Variants in LDB2 observed in about 807,000 individuals in gnomAD.
The protein encoded by LDB2 is LIM domain binding 2, also known as LIM domain-binding protein 2.
Under a neutral mutation model 44.3 loss-of-function variants are expected in LDB2, and 12 were observed. That is an observed-to-expected ratio of 0.27 (90% CI 0.17 to 0.44). LDB2 has a LOEUF of 0.44. LDB2 is among the 20% of genes least tolerant of loss of function. The pLI is 1.00. For missense variants in LDB2, 344 were observed against 473.5 expected, an observed-to-expected ratio of 0.73 and a Z score of 2.54; for synonymous variants, 164 against 174.8, an observed-to-expected ratio of 0.94 and a Z score of 0.49.
chr4:16,796,176 T>A (rs781513306), intron 1 of LDB2, among the ~76,000 whole-genome samples: 1 of 151,896 alleles, frequency 6.6e-6, no homozygotes, highest in Non-Finnish European at 1.5e-5. Flanking sequence ...TCCTAGCTAC[T>A]GGGGAGGTTA....
chr4:16,834,610 C>T (rs548252806), intron 1 of LDB2, among the ~76,000 whole-genome samples: 72 of 152,206 alleles, frequency 4.7e-4, no homozygotes, highest in South Asian at 1.0e-3. Context: ...GGGCGGATCA[C>T]GAGTTCAGGA....
intron 1 of LDB2, among the ~76,000 whole-genome samples, chr4:16,833,864 C>T (rs1784459063): frequency 6.6e-6 from 1 of 152,112 alleles, no homozygotes; most frequent in Non-Finnish European, 1.5e-5. Context: ...ATTACTCAGT[C>T]TATTCCAGCT....
intron 2 of LDB2, among the ~76,000 whole-genome samples, chr4:16,633,813 T>C (rs1732735613): frequency 1.3e-5 from 2 of 152,198 alleles, no homozygotes; most frequent in African/African-American, 4.8e-5. Flanking sequence ...AAGACAATCC[T>C]GGTCAAGAAG....
At chr4:16,632,978 C>A (rs953004884) in intron 2 of LDB2, among the ~76,000 whole-genome samples, 1 of 152,058 alleles carries the variant, frequency 6.6e-6, no homozygotes, top group Admixed American at 6.6e-5. Context: ...CTATAAAGGC[C>A]CATGCACATG....
At chr4:16,884,947 T>C (rs189658406) in intron 1 of LDB2, among the ~76,000 whole-genome samples, 1 of 152,180 alleles carries the variant, frequency 6.6e-6, no homozygotes, top group East Asian at 1.9e-4. Context: ...AAAATTTGCA[T>C]GACTCCAGAA....
intron 2 of LDB2, chr4:16,674,076 G>A (rs542578504): frequency 9.6e-5 from 39 of 406,620 alleles, no homozygotes; most frequent in African/African-American, 4.0e-4. Context: ...TCTCTTATAC[G>A]TTAACGCAAC....
intron 1 of LDB2, among the ~76,000 whole-genome samples, chr4:16,821,221 GAAGC>G (rs1364557011): frequency 6.6e-6 from 1 of 152,146 alleles, no homozygotes; most frequent in Admixed American, 6.5e-5. Context: ...GGAAGGTTTG[GAAGC>G]AATTAACATA....
rs367900203 is a variant in LDB2 at position 16,774,136 on chromosome 4, A to G, written c.133-14876T>C. Among the ~76,000 whole-genome samples the G allele has an allele frequency of 1.1e-4, 15 of 140,926 alleles. 2 individuals carry two copies. In the East Asian group the frequency reaches 1.5e-3, roughly 14 times the overall value. 92.5% of individuals were successfully genotyped at this position (140,926 alleles called of 152,430 possible). On this transcript the variant is annotated intron_variant, in intron 1 of 7. Transcript: ENST00000304523. Reference sequence around the variant, plus strand: ...CGCCATTGCACTCCAGCCTGGCAACAGAGTGAGACTCCGTCTCAAAAAAAA... The same window carrying G: ...CGCCATTGCACTCCAGCCTGGCAACGGAGTGAGACTCCGTCTCAAAAAAAA...
intron 2 of LDB2, among the ~76,000 whole-genome samples, chr4:16,672,249 T>C (rs1183612030): frequency 6.6e-6 from 1 of 152,196 alleles, no homozygotes; most frequent in Non-Finnish European, 1.5e-5. Flanking sequence ...GGCAGAAATC[T>C]ATTAGAAGCC....
chr4:16,554,968 G>A (rs1348268130), intron 5 of LDB2, among the ~76,000 whole-genome samples: 1 of 152,212 alleles, frequency 6.6e-6, no homozygotes, highest in African/African-American at 2.4e-5. Flanking sequence ...TGACAAATGT[G>A]CCACATTGGT....
At chr4:16,749,263 T>C (rs887474420) in intron 2 of LDB2, among the ~76,000 whole-genome samples, 11 of 152,054 alleles carry the variant, frequency 7.2e-5, no homozygotes, top group African/African-American at 2.7e-4. Context: ...GTAGGCATAA[T>C]TTTAGTTTGA....
intron 2 of LDB2, among the ~76,000 whole-genome samples, chr4:16,694,283 C>T (rs1022292251): frequency 4.6e-5 from 7 of 152,172 alleles, no homozygotes; most frequent in East Asian, 1.9e-4. Context: ...TATTTACTTG[C>T]GCATTCACAC....
intron 1 of LDB2, among the ~76,000 whole-genome samples, chr4:16,849,169 C>T (rs1241044525): frequency 1.3e-5 from 2 of 152,094 alleles, no homozygotes; most frequent in African/African-American, 4.8e-5. Flanking sequence ...GCTGTACTTG[C>T]CATTGGCTCC....
intron 2 of LDB2, among the ~76,000 whole-genome samples, chr4:16,672,828 C>CTTCTTTCT (rs1553955152): frequency 0.018 from 2,669 of 147,088 alleles, 39 homozygotes; most frequent in African/African-American, 0.03. Context: ...GCCTGCCTGC[C>CTTCTTTCT]TTCTTTCCTT....
At chr4:16,791,570 A>AAAAAAAAAAAAAAC (rs1157053185) in intron 1 of LDB2, among the ~76,000 whole-genome samples, 2 of 150,974 alleles carry the variant, frequency 1.3e-5, no homozygotes, top group Non-Finnish European at 3.0e-5. Context: ...AAAAAAAAAA[A>AAAAAAAAAAAAAAC]AAGAAAGACA....
chr4:16,851,000 C>T (rs1296599838), intron 1 of LDB2, among the ~76,000 whole-genome samples: 3 of 120,374 alleles, frequency 2.5e-5, no homozygotes, highest in African/African-American at 1.1e-4. Context: ...GAGATGACAC[C>T]CAGGGAGAAT....
chr4:16,556,756 T>C (rs1440462762), intron 5 of LDB2, among the ~76,000 whole-genome samples: 2 of 152,220 alleles, frequency 1.3e-5, no homozygotes, highest in African/African-American at 4.8e-5. Flanking sequence ...TGGTTTTAAC[T>C]ACGTTTATTT....
chr4:16,847,761 C>G (rs1017678711), intron 1 of LDB2, among the ~76,000 whole-genome samples: 1 of 152,134 alleles, frequency 6.6e-6, no homozygotes, highest in Non-Finnish European at 1.5e-5. Context: ...GGGCTACAGG[C>G]GCCCGCCACA....
intron 7 of LDB2, 86 bp from the exon 8 acceptor site, chr4:16,502,959 C>A: frequency 1.2e-6 from 2 of 1,602,638 alleles, no homozygotes; most frequent in Non-Finnish European, 1.7e-6. Flanking sequence ...GTCGGGGAAT[C>A]TAGGACAGAC....
Sources: gnomAD v4.1 joint callset for allele counts (sites outside exome capture counted in the v4.1 genomes callset) on GRCh38, gnomAD v4.1.1 for gene constraint, MANE v1.5 for transcripts, NCBI Gene and HGNC (gene_info 2026-07-23, HGNC 2026-07-21) for gene names.